The following KCNQ1 variants were observed in gnomAD, a reference collection of about 807,000 sequenced individuals.
The protein encoded by KCNQ1 is potassium voltage-gated channel subfamily Q member 1.
A neutral mutation model predicts 72.4 loss-of-function variants in KCNQ1; 49 were observed. The observed-to-expected ratio is 0.68, with a 90% CI of 0.54 to 0.86. The LOEUF is 0.86. KCNQ1 is among the 40% of genes least tolerant of loss of function. KCNQ1 has a pLI of 0.00. For missense variants in KCNQ1, 790 were observed against 945.1 expected, an observed-to-expected ratio of 0.84 and a Z score of 2.15; for synonymous variants, 450 against 412.6, an observed-to-expected ratio of 1.09 and a Z score of -1.10.
intron 15 of KCNQ1, among the ~76,000 whole-genome samples, chr11:2,834,878 C>G (rs989908974): frequency 3.3e-5 from 5 of 152,198 alleles, no homozygotes; most frequent in Admixed American, 6.5e-5. Flanking sequence ...TCTCCCTCCC[C>G]ACGAGGCTCC....
intron 11 of KCNQ1, chr11:2,685,122 G>A (rs940906017): frequency 3.0e-5 from 12 of 398,512 alleles, no homozygotes; most frequent in African/African-American, 1.4e-4. Flanking sequence ...GGGGTCTGAT[G>A]GTCAGAGCTA....
chr11:2,490,931 C>T (rs1261604052), intron 1 of KCNQ1, among the ~76,000 whole-genome samples: 1 of 152,162 alleles, frequency 6.6e-6, no homozygotes, highest in Non-Finnish European at 1.5e-5. Context: ...GTCTTGAACT[C>T]CCGACCTCAG....
Position 2,830,500 on chromosome 11 carries a change from C to G in KCNQ1, c.1795-17267C>G, listed in dbSNP as rs1847926110. Among the ~76,000 whole-genome samples, 1 of 152,144 alleles carries G rather than the reference C, an allele frequency of 6.6e-6. No homozygotes were observed. Among genetic ancestry groups the G allele is most frequent in the Non-Finnish European group, 1.5e-5 (1 of 67,998 alleles). On this transcript the variant is annotated intron_variant, in intron 15 of 15. Transcript: ENST00000155840. The surrounding 1 kb of genome is among the most constrained non-coding windows in gnomAD (Gnocchi z 7.7). ...CTAGTCAGCATGTATCCCCACACCC[C>G]AGTCCCAGTGTCCCAAGAACCTCTT...
At chr11:2,805,474 G>A (rs1847352855) in intron 15 of KCNQ1, among the ~76,000 whole-genome samples, 1 of 152,258 alleles carries the variant, frequency 6.6e-6, no homozygotes. Context: ...GGTCCTCACT[G>A]CACTCATCCT....
rs114663984 is a variant in KCNQ1, at chr11:2,501,312, C to T, written c.387-26616C>T. 3.4e-3 allele frequency among the ~76,000 whole-genome samples: 415 copies of T among 120,874 alleles called. 4 individuals carry two copies. The highest frequency in any genetic ancestry group is 0.012 in the African/African-American group (397 of 31,864). 79.3% of individuals were successfully genotyped at this position (120,874 alleles called of 152,430 possible). Reference sequence around the variant, plus strand: ...GACTAAGAAAAGAAGAGGGAAGATCCAAGTAACTAAAGTCAGAGACAAAAA... The same window carrying T: ...GACTAAGAAAAGAAGAGGGAAGATCTAAGTAACTAAAGTCAGAGACAAAAA... On this transcript the variant is annotated intron_variant, in intron 1 of 15. Coordinates refer to ENST00000155840, the MANE Select transcript of KCNQ1 (RefSeq NM_000218.3).
chr11:2,702,882 T>C (rs1850841638), intron 11 of KCNQ1, among the ~76,000 whole-genome samples: 1 of 152,076 alleles, frequency 6.6e-6, no homozygotes, highest in Non-Finnish European at 1.5e-5. Flanking sequence ...CCTCACCCCC[T>C]CGCCACACAC....
Position 2,445,250 on chromosome 11 carries a change from A to ACGCGCCCATCGCGCCCAT in KCNQ1, c.168_169insATCGCGCCCATCGCGCCC (p.Pro56_Gly57insIleAlaProIleAlaPro), listed in dbSNP as rs397515877. Reference sequence around the variant, plus strand: ...GGCGGCCCGGCGGGCGGCGCGCTCTACGCGCCCATCGCGCCCGGCGCCCCA... The same window carrying ACGCGCCCATCGCGCCCAT: ...GGCGGCCCGGCGGGCGGCGCGCTCTACGCGCCCATCGCGCCCATCGCGCCCATCGCGCCCGGCGCCCCA... On this transcript the variant is annotated inframe_insertion, in exon 1 of 16. Transcript: ENST00000155840. 8.3e-7 allele frequency: 1 copy of ACGCGCCCATCGCGCCCAT among 1,199,348 alleles called. No homozygotes were observed. Among genetic ancestry groups the ACGCGCCCATCGCGCCCAT allele is most frequent in the African/African-American group, 1.6e-5 (1 of 61,652 alleles). 74.3% of individuals were successfully genotyped at this position (1,199,348 alleles called of 1,614,324 possible). A position where few individuals can be genotyped will look rare whatever the true frequency, so the allele number is the denominator to read the frequency against.
At chr11:2,662,630 T>C (rs547996714) in intron 11 of KCNQ1, 1 of 409,816 alleles carries the variant, frequency 2.4e-6, no homozygotes, top group African/African-American at 2.0e-5. Context: ...CAATCCCCGG[T>C]GCCCGGCCAC....
chr11:2,456,957 A>AC lies in KCNQ1; in HGVS notation c.386+11473_386+11474insC, dbSNP rs1399384139. Among the ~76,000 whole-genome samples, 4 of 122,138 alleles carry AC rather than the reference A, an allele frequency of 3.3e-5. 1 individual carries two copies. Among genetic ancestry groups the AC allele is most frequent in the African/African-American group, 1.3e-4 (4 of 31,228 alleles). The allele number at this position is 122,138 out of a possible 152,430, so 80.1% of individuals were successfully genotyped here. Reference sequence around the variant, plus strand: ...CGGTCTCAAAAAAAAAAAAAAAAAAAAAAAAAAACCCAAAAAAACAAAAAG... The same window carrying AC: ...CGGTCTCAAAAAAAAAAAAAAAAAAACAAAAAAAACCCAAAAAAACAAAAAG... On this transcript the variant is annotated intron_variant, in intron 1 of 15. Coordinates refer to ENST00000155840, the MANE Select transcript of KCNQ1 (RefSeq NM_000218.3).
chr11:2,753,820 C>T (rs1425316839), intron 11 of KCNQ1, among the ~76,000 whole-genome samples: 2 of 152,160 alleles, frequency 1.3e-5, no homozygotes, highest in Admixed American at 1.3e-4. Flanking sequence ...AGAAACTTCC[C>T]AGCTTCCCTC....
chr11:2,773,762 GA>G (rs1261969247), intron 12 of KCNQ1, among the ~76,000 whole-genome samples: 1 of 144,516 alleles, frequency 6.9e-6, no homozygotes, highest in African/African-American at 2.6e-5. Context: ...CCATCTTACA[GA>G]AAGGAGAATC....
intron 15 of KCNQ1, 48 bp downstream of exon 15, chr11:2,778,085 C>T: frequency 1.3e-6 from 2 of 1,540,738 alleles, no homozygotes; most frequent in African/African-American, 2.7e-5. Flanking sequence ...CGTCCTGGGG[C>T]CAGCAGGCAC....
chr11:2,665,371 A>G lies in KCNQ1; in HGVS notation c.1514+3290A>G, dbSNP rs1048449968. On this transcript the variant is annotated intron_variant, in intron 11 of 15. Coordinates refer to ENST00000155840, the MANE Select transcript of KCNQ1 (RefSeq NM_000218.3). Reference sequence around the variant, plus strand: ...GCAGTTGGGGAGCACCCCCATGACAAGAGGAGCCCTGTACCCCAAGAGCCA... The same window carrying G: ...GCAGTTGGGGAGCACCCCCATGACAGGAGGAGCCCTGTACCCCAAGAGCCA... 15 of 398,026 alleles carry G rather than the reference A, an allele frequency of 3.8e-5. No individual in the cohort carries two copies. Among genetic ancestry groups the G allele is most frequent in the Non-Finnish European group, 5.8e-5 (13 of 226,022 alleles). The allele number at this position is 398,026 out of a possible 1,614,324, so 24.7% of individuals were successfully genotyped here.
intron 15 of KCNQ1, among the ~76,000 whole-genome samples, chr11:2,793,988 A>G (rs1040789212): frequency 6.6e-6 from 1 of 152,172 alleles, no homozygotes; most frequent in African/African-American, 2.4e-5. Flanking sequence ...AAGAGTGTCC[A>G]GTGTGTGCAG....
At chr11:2,572,224 C>T in intron 5 of KCNQ1, 115 bp downstream of exon 5, 1 of 759,230 alleles carries the variant, frequency 1.3e-6, no homozygotes, top group Non-Finnish European at 2.2e-6. Flanking sequence ...CCGGTGGGTG[C>T]CTGGGCGCAG....
chr11:2,524,204 C>A (rs1257256997), intron 1 of KCNQ1, among the ~76,000 whole-genome samples: 2 of 152,160 alleles, frequency 1.3e-5, no homozygotes, highest in Non-Finnish European at 2.9e-5. Context: ...GACGGGAAAG[C>A]TGCTGTGCCA....
intron 15 of KCNQ1, among the ~76,000 whole-genome samples, chr11:2,814,288 T>TGGTG (rs1169875276): frequency 1.4e-5 from 2 of 139,526 alleles, no homozygotes; most frequent in Non-Finnish European, 3.0e-5. Flanking sequence ...GTGGGATGGA[T>TGGTG]GGATGGATGG....
rs1847440804 is a variant in KCNQ1 at position 2,809,311 on chromosome 11, T to C, written c.1794+31274T>C. On this transcript the variant is annotated intron_variant, in intron 15 of 15. Transcript: ENST00000155840. The surrounding 1 kb of genome is among the most constrained non-coding windows in gnomAD (Gnocchi z 7.1). ...AATGTCACTTTCAGGTTAAGGAAAA[T>C]AAAATGTGGGACGCTGGACTCATCG... 6.6e-6 allele frequency among the ~76,000 whole-genome samples: 1 copy of C among 152,090 alleles called. No individual in the cohort carries two copies. Among genetic ancestry groups the C allele is most frequent in the Non-Finnish European group, 1.5e-5 (1 of 68,008 alleles).
rs891203812 is a variant in KCNQ1 at position 2,515,905 on chromosome 11, C to T, written c.387-12023C>T. Among the ~76,000 whole-genome samples, 1 of 151,942 alleles carries T rather than the reference C, an allele frequency of 6.6e-6. No homozygotes were observed. The highest frequency in any genetic ancestry group is 2.4e-5 in the African/African-American group (1 of 41,364). ...TGCCTTTCCTGCTTGCACCCCAGAGCCTGGCCACCCCTGTCCTCTGCTGAG... is the reference window on the plus strand; with the variant it reads ...TGCCTTTCCTGCTTGCACCCCAGAGTCTGGCCACCCCTGTCCTCTGCTGAG... On this transcript the variant is annotated intron_variant, in intron 1 of 15. Coordinates refer to ENST00000155840, the MANE Select transcript of KCNQ1 (RefSeq NM_000218.3). The surrounding 1 kb of genome is among the most constrained non-coding windows in gnomAD (Gnocchi z 4.7).
Sources: gnomAD v4.1 joint callset for allele counts (sites outside exome capture counted in the v4.1 genomes callset) on GRCh38, gnomAD v4.1.1 for gene constraint, Gnocchi (gnomAD v3.1) non-coding constraint, MANE v1.5 for transcripts, NCBI Gene and HGNC (gene_info 2026-07-23, HGNC 2026-07-21) for gene names.